Variants in SCGN observed in about 807,000 individuals in gnomAD.
SCGN encodes secretagogin.
In SCGN, 30 loss-of-function variants were observed where a neutral mutation model predicts 39.7. The observed-to-expected ratio is 0.76, with a 90% confidence interval of 0.57 to 1.03. SCGN has a LOEUF of 1.03. SCGN is among the 50% of genes least tolerant of loss of function. The probability of loss-of-function intolerance (pLI) is 0.00; values close to 1 mark genes in which losing one functional copy is unlikely to be tolerated. For synonymous variants in SCGN, 106 were observed against 114.1 expected (o/e 0.93, Z 0.45); for missense variants, 353 against 349.4 (o/e 1.01, Z -0.08).
intron 1 of SCGN, 114 bp downstream of exon 1, chr6:25,652,599 T>C: frequency 1.1e-6 from 1 of 884,250 alleles, no homozygotes; most frequent in Non-Finnish European, 1.8e-6. Flanking sequence ...ACCTGGGTTG[T>C]TAATGCAGTG....
At chr6:25,699,137 C>T (rs563139437) in intron 10 of SCGN, among the ~76,000 whole-genome samples, 1 of 152,246 alleles carries the variant, frequency 6.6e-6, no homozygotes, top group Non-Finnish European at 1.5e-5. Context: ...GCTGCCTTCT[C>T]TATTCACTCA....
chr6:25,669,252 CTT>C (rs1427550808), intron 4 of SCGN, among the ~76,000 whole-genome samples: 2 of 152,118 alleles, frequency 1.3e-5, no homozygotes, highest in Non-Finnish European at 2.9e-5. Flanking sequence ...CAAAAGGACA[CTT>C]TTGATGAAAG....
At position 25,688,687 on chromosome 6, in the gene SCGN, A is replaced by C. The variant is rs568252366; in HGVS notation, c.528-485A>C. ...ACTGGTGGCGGGCGCCTGTAGTCCC[A>C]GCTACTTGGGAGGCTGAGGCAGGAG... On this transcript the variant is annotated intron_variant, in intron 7 of 10. Coordinates refer to ENST00000377961, the MANE Select transcript of SCGN (RefSeq NM_006998.4). Among the ~76,000 whole-genome samples, 116 of 151,290 alleles carry C rather than the reference A, an allele frequency of 7.7e-4. 3 individuals are homozygous for C. The highest frequency in any genetic ancestry group is 5.9e-3 in the Admixed American group (89 of 15,102).
At chr6:25,653,312 A>T in intron 1 of SCGN, 70 bp from the exon 2 acceptor site, 2 of 1,092,824 alleles carry the variant, frequency 1.8e-6, no homozygotes, top group South Asian at 1.4e-5. Context: ...GATTAAAAAC[A>T]TATTTAGATA....
Position 25,696,750 on chromosome 6 carries a change from A to T in SCGN, c.703-4457A>T, listed in dbSNP as rs188884713. Among the ~76,000 whole-genome samples the T allele has an allele frequency of 3.9e-5, 6 of 152,200 alleles. No individual in the cohort carries two copies. The East Asian group carries it at 1.2e-3, about 29-fold the overall frequency. Reference sequence around the variant, plus strand: ...AAACCTGACTTTTCTTCCCCTCACTACCCAGAAAGTTGCTGATGACTTCAT... The same window carrying T: ...AAACCTGACTTTTCTTCCCCTCACTTCCCAGAAAGTTGCTGATGACTTCAT... On this transcript the variant is annotated intron_variant, in intron 10 of 10. Coordinates refer to ENST00000377961, the MANE Select transcript of SCGN (RefSeq NM_006998.4).
chr6:25,664,533 A>G (rs748959780), intron 3 of SCGN, among the ~76,000 whole-genome samples: 2 of 152,246 alleles, frequency 1.3e-5, no homozygotes, highest in Non-Finnish European at 2.9e-5. Flanking sequence ...ACAAGCATTT[A>G]GAATAATGCA....
At chr6:25,666,434 A>G (rs1410266029) in intron 4 of SCGN, among the ~76,000 whole-genome samples, 1 of 152,204 alleles carries the variant, frequency 6.6e-6, no homozygotes, top group Non-Finnish European at 1.5e-5. Flanking sequence ...TTTCTGTACA[A>G]TGATGTTCAT....
Position 25,654,397 on chromosome 6 carries a change from C to G in SCGN, c.153+945C>G, listed in dbSNP as rs146904972. Among the ~76,000 whole-genome samples the G allele has an allele frequency of 2.6e-4, 40 of 152,224 alleles. No individual in the cohort carries two copies. The East Asian group carries it at 6.8e-3, about 26-fold the overall frequency. On this transcript the variant is annotated intron_variant, in intron 2 of 10. Coordinates refer to ENST00000377961, the MANE Select transcript of SCGN (RefSeq NM_006998.4). ...TCTTCAGCCACACAGATCTCTTGGT[C>G]CCCCTCTACTTCTGTCTGCCTCTCA...
At chr6:25,655,324 A>G (rs1004651558) in intron 2 of SCGN, among the ~76,000 whole-genome samples, 1 of 152,202 alleles carries the variant, frequency 6.6e-6, no homozygotes, top group South Asian at 2.1e-4. Context: ...ATATTCATTC[A>G]TCGAGTTGGG....
intron 4 of SCGN, among the ~76,000 whole-genome samples, chr6:25,668,216 T>C (rs1481036915): frequency 2.2e-5 from 2 of 91,352 alleles, no homozygotes; most frequent in African/African-American, 8.9e-5. Flanking sequence ...AATCTGTCAG[T>C]GAAAAAAAAA....
At chr6:25,681,061 T>C (rs1285504246) in intron 6 of SCGN, among the ~76,000 whole-genome samples, 1 of 152,232 alleles carries the variant, frequency 6.6e-6, no homozygotes, top group Admixed American at 6.5e-5. Flanking sequence ...ACATTTCAAC[T>C]CAGATCTGCA....
chr6:25,682,021 A>G lies in SCGN; in HGVS notation c.527+15A>G. ...GACTTAGCAAGGTGAGTTACATGGA[A>G]ATGATATCATACATTCAGAAATACC... On this transcript the variant is annotated intron_variant, in intron 7 of 10. Transcript: ENST00000377961. 6.3e-7 allele frequency: 1 copy of G among 1,593,168 alleles called. No individual in the cohort carries two copies. The highest frequency in any genetic ancestry group is 8.6e-7 in the Non-Finnish European group (1 of 1,160,880).
chr6:25,679,731 T>C (rs1333545641), intron 6 of SCGN, among the ~76,000 whole-genome samples: 1 of 152,246 alleles, frequency 6.6e-6, no homozygotes, highest in East Asian at 1.9e-4. Context: ...TCATGAAGTT[T>C]ATATTTCTTT....
intron 2 of SCGN, among the ~76,000 whole-genome samples, chr6:25,655,963 G>A (rs890059999): frequency 6.6e-6 from 1 of 152,138 alleles, no homozygotes; most frequent in Admixed American, 6.5e-5. Flanking sequence ...ATCTGCCATT[G>A]GATGCCTTTC....
chr6:25,698,283 A>G (rs1318489378), intron 10 of SCGN, among the ~76,000 whole-genome samples: 1 of 152,210 alleles, frequency 6.6e-6, no homozygotes, highest in Non-Finnish European at 1.5e-5. Flanking sequence ...TTCATACACC[A>G]AAAATATTTT....
chr6:25,685,818 T>C (rs1759697141), intron 7 of SCGN, among the ~76,000 whole-genome samples: 1 of 152,170 alleles, frequency 6.6e-6, no homozygotes, highest in South Asian at 2.1e-4. Flanking sequence ...ATTCATAAGG[T>C]TGTCCAACCA....
At chr6:25,693,344 CA>C (rs1364324142) in intron 10 of SCGN, among the ~76,000 whole-genome samples, 1 of 147,972 alleles carries the variant, frequency 6.8e-6, no homozygotes, top group Non-Finnish European at 1.5e-5. Flanking sequence ...CCCAGCTACT[CA>C]GGAGGCTTAG....
chr6:25,694,712 C>T (rs888119637), intron 10 of SCGN, among the ~76,000 whole-genome samples: 1 of 152,226 alleles, frequency 6.6e-6, no homozygotes. Flanking sequence ...CATACGTTTA[C>T]TGTGCCTTTC....
chr6:25,661,436 T>A (rs1388989556), intron 2 of SCGN, 116 bp from the exon 3 acceptor site: 1 of 706,706 alleles, frequency 1.4e-6, no homozygotes, highest in Non-Finnish European at 2.4e-6. Context: ...TCAAGGAACC[T>A]GCTTTCCATG....
Sources: allele counts gnomAD v4.1 joint callset (sites outside exome capture counted in the v4.1 genomes callset), GRCh38; gene constraint gnomAD v4.1.1; transcripts MANE v1.5; gene names NCBI Gene and HGNC (gene_info 2026-07-23, HGNC 2026-07-21).